The following GRIK2 variants were observed in gnomAD, a reference collection of about 807,000 sequenced individuals.
GRIK2 encodes the protein glutamate receptor ionotropic, kainate 2.
Under a neutral mutation model 100.3 loss-of-function variants are expected in GRIK2, and 32 were observed. The ratio of observed to expected loss-of-function variants is 0.32; its 90% confidence interval spans 0.24 to 0.43. The LOEUF (loss-of-function observed/expected upper bound fraction) is 0.43, where lower values mean the gene tolerates loss of function less well. Ranked by LOEUF, GRIK2 falls within the 20% of genes least tolerant of loss-of-function variation. The pLI is 1.00. For missense variants in GRIK2, 843 were observed against 1,114.9 expected (o/e 0.76, Z 3.47); for synonymous variants, 417 against 389.4 (o/e 1.07, Z -0.83).
At chr6:101,725,964 T>C (rs551301028) in intron 7 of GRIK2, among the ~76,000 whole-genome samples, 8 of 152,046 alleles carry the variant, frequency 5.3e-5, no homozygotes, top group African/African-American at 1.9e-4. Context: ...TTGAGATTAG[T>C]TTATAACAAT....
At chr6:101,931,184 G>A (rs2128472541) in intron 14 of GRIK2, among the ~76,000 whole-genome samples, 1 of 151,968 alleles carries the variant, frequency 6.6e-6, no homozygotes, top group South Asian at 2.1e-4. Flanking sequence ...GCTATGGTAA[G>A]AAATTTAAAA....
intron 2 of GRIK2, among the ~76,000 whole-genome samples, chr6:101,591,810 G>A (rs487026): frequency 0.1 from 15,596 of 151,932 alleles, 1,031 homozygotes; most frequent in African/African-American, 0.18. Context: ...GAAATACAAT[G>A]GGCTTTGTAT....
intron 9 of GRIK2, among the ~76,000 whole-genome samples, chr6:101,803,020 G>C (rs1032886807): frequency 2.7e-4 from 41 of 151,670 alleles, no homozygotes; most frequent in African/African-American, 9.9e-4. Flanking sequence ...ATTTTAGTGT[G>C]AGTTTTCTTA....
chr6:101,860,201 G>A (rs1013922845), intron 11 of GRIK2, among the ~76,000 whole-genome samples: 4 of 151,898 alleles, frequency 2.6e-5, no homozygotes, highest in Non-Finnish European at 2.9e-5. Context: ...CTTTTAAAAA[G>A]TATAATTTAT....
In GRIK2 at chr6:101,886,178, C is replaced by T. The variant is rs1022817968; in HGVS notation, c.1525-3462C>T. On this transcript the variant is annotated intron_variant, in intron 11 of 16. Transcript: ENST00000369134. The stretch of plus-strand genomic sequence containing the variant: ...GGAATCATAAAGTACATGGCCTTTT[C>T]AGAGGCTCTGAACTTGACCCTCTAA... Among the ~76,000 whole-genome samples, 8 of 152,238 alleles carry T rather than the reference C, an allele frequency of 5.3e-5. No homozygotes were observed. In the East Asian group the frequency reaches 1.4e-3, roughly 26 times the overall value.
At chr6:101,913,279 T>C (rs1166508266) in intron 12 of GRIK2, among the ~76,000 whole-genome samples, 3 of 151,602 alleles carry the variant, frequency 2.0e-5, no homozygotes, top group African/African-American at 7.3e-5. Flanking sequence ...CCCAAGGAAC[T>C]CCTGTGTGCA....
intron 4 of GRIK2, among the ~76,000 whole-genome samples, chr6:101,667,034 C>T (rs1365001415): frequency 6.6e-6 from 1 of 152,188 alleles, no homozygotes; most frequent in East Asian, 1.9e-4. Flanking sequence ...CATTTAAATA[C>T]CTTTGTCTAT....
chr6:102,061,186 C>G (rs1771732090), intron 16 of GRIK2, among the ~76,000 whole-genome samples: 1 of 150,474 alleles, frequency 6.6e-6, no homozygotes, highest in Admixed American at 6.7e-5. Context: ...TATGATAACC[C>G]ATACTCTTTG....
chr6:102,051,639 T>G (rs1377055763), intron 15 of GRIK2, among the ~76,000 whole-genome samples: 1 of 152,148 alleles, frequency 6.6e-6, no homozygotes, highest in Non-Finnish European at 1.5e-5. Context: ...ATGGTCACCC[T>G]GTGACCATAT....
At chr6:101,689,168 G>GA (rs1771916327) in intron 7 of GRIK2, among the ~76,000 whole-genome samples, 2 of 151,950 alleles carry the variant, frequency 1.3e-5, no homozygotes, top group African/African-American at 4.8e-5. Context: ...ATTCTAGTTA[G>GA]AAAAAAGAGA....
chr6:101,591,093 C>G (rs1347253331), intron 2 of GRIK2, among the ~76,000 whole-genome samples: 1 of 151,812 alleles, frequency 6.6e-6, no homozygotes, highest in African/African-American at 2.4e-5. Context: ...TTTTTCTGAC[C>G]TGCATTTTTA....
intron 14 of GRIK2, among the ~76,000 whole-genome samples, chr6:101,988,518 C>T (rs746640994): frequency 1.4e-4 from 21 of 151,698 alleles, no homozygotes; most frequent in Admixed American, 2.6e-4. Flanking sequence ...TCTGGTTCAC[C>T]ACATACTAGT....
intron 7 of GRIK2, among the ~76,000 whole-genome samples, chr6:101,750,449 T>C (rs943661455): frequency 9.9e-5 from 15 of 152,124 alleles, no homozygotes; most frequent in Admixed American, 9.8e-4. Context: ...ATCATACTCA[T>C]TGGGAATAGT....
intron 4 of GRIK2, among the ~76,000 whole-genome samples, chr6:101,628,405 T>C (rs1470884453): frequency 1.3e-5 from 2 of 152,128 alleles, no homozygotes; most frequent in African/African-American, 4.8e-5. Context: ...AAATTAGGAA[T>C]ACATTATTAA....
chr6:101,786,720 A>G (rs757248472), intron 7 of GRIK2, among the ~76,000 whole-genome samples: 5 of 152,058 alleles, frequency 3.3e-5, no homozygotes, highest in Non-Finnish European at 7.4e-5. Flanking sequence ...TTTTACATCT[A>G]TGTTCACCAG....
chr6:101,546,511 G>T (rs1776241330), intron 2 of GRIK2, among the ~76,000 whole-genome samples: 1 of 152,198 alleles, frequency 6.6e-6, no homozygotes, highest in Non-Finnish European at 1.5e-5. Context: ...ACAAACTGAA[G>T]GTATTAAATC....
At chr6:101,764,624 G>T (rs545149037) in intron 7 of GRIK2, among the ~76,000 whole-genome samples, 1 of 152,036 alleles carries the variant, frequency 6.6e-6, no homozygotes, top group African/African-American at 2.4e-5. Context: ...GGGAGTTATT[G>T]TAGCCTCCCT....
intron 11 of GRIK2, among the ~76,000 whole-genome samples, chr6:101,876,152 G>A (rs1419596146): frequency 6.6e-6 from 1 of 151,724 alleles, no homozygotes; most frequent in Admixed American, 6.6e-5. Context: ...AGGTGAGCCT[G>A]TTAATTATGT....
chr6:101,768,247 A>C (rs1778160598), intron 7 of GRIK2, among the ~76,000 whole-genome samples: 1 of 152,194 alleles, frequency 6.6e-6, no homozygotes, highest in Non-Finnish European at 1.5e-5. Context: ...CTGCATTTTC[A>C]AGTAATATAA....
Sources: allele counts gnomAD v4.1 joint callset (sites outside exome capture counted in the v4.1 genomes callset), GRCh38; gene constraint gnomAD v4.1.1; transcripts MANE v1.5; gene names NCBI Gene and HGNC (gene_info 2026-07-23, HGNC 2026-07-21).